PALLD: variants seen among roughly 807,000 people sequenced by gnomAD.
The protein encoded by PALLD is palladin, cytoskeletal associated protein.
PALLD carries 61 observed loss-of-function variants against 123.5 expected under a neutral mutation model. The observed-to-expected ratio is 0.49, with a 90% CI of 0.40 to 0.61. PALLD has a LOEUF of 0.61. Ranked by LOEUF, PALLD falls within the 20% of genes least tolerant of loss-of-function variation. The probability of loss-of-function intolerance (pLI) is 0.00; values close to 1 mark genes in which losing one functional copy is unlikely to be tolerated. For synonymous variants in PALLD, 465 were observed against 496.4 expected (o/e 0.94, Z 0.84); for missense variants, 1,273 against 1,377.0 (o/e 0.92, Z 1.20).
chr4:168,598,536 AG>A (rs1273685375), intron 2 of PALLD: 3 of 386,022 alleles, frequency 7.8e-6, no homozygotes, highest in Non-Finnish European at 1.6e-5. Flanking sequence ...GTTAACAGAG[AG>A]GGGGCAGACA....
Position 168,821,975 on chromosome 4 carries a change from C to A in PALLD, c.1965-68947C>A, listed in dbSNP as rs72973263. ...ACTGCTCTGTATAATACCCCAACAC[C>A]CATTTGAAGAGTTGCTGAAAGTTCT... is the stretch of plus-strand genomic sequence containing the variant. On this transcript the variant is annotated intron_variant, in intron 10 of 21. Transcript: ENST00000505667. Among the ~76,000 whole-genome samples, 991 of 152,072 alleles carry A rather than the reference C, an allele frequency of 6.5e-3. 10 individuals carry two copies. The highest frequency in any genetic ancestry group is 0.022 in the African/African-American group (920 of 41,456).
At chr4:168,898,091 G>A (rs992252181) in intron 13 of PALLD, 1 of 238,652 alleles carries the variant, frequency 4.2e-6, no homozygotes, top group African/African-American at 2.3e-5. Flanking sequence ...GTACTATGTG[G>A]AGAGATGTAC....
intron 3 of PALLD, among the ~76,000 whole-genome samples, chr4:168,668,659 T>C (rs1363031472): frequency 6.6e-6 from 1 of 152,186 alleles, no homozygotes; most frequent in Non-Finnish European, 1.5e-5. Flanking sequence ...CTCTAGTAAA[T>C]GAAGCATAGA....
intron 2 of PALLD, among the ~76,000 whole-genome samples, chr4:168,624,860 C>T (rs1462616994): frequency 6.6e-6 from 1 of 151,882 alleles, no homozygotes; most frequent in African/African-American, 2.4e-5. Context: ...AATACATGTC[C>T]AAGACACATA....
At chr4:168,808,217 A>G (rs1390625389) in intron 10 of PALLD, among the ~76,000 whole-genome samples, 1 of 151,780 alleles carries the variant, frequency 6.6e-6, no homozygotes, top group Non-Finnish European at 1.5e-5. Flanking sequence ...ACAGTGGCTC[A>G]TGCCTGTAAT....
intron 10 of PALLD, among the ~76,000 whole-genome samples, chr4:168,809,026 A>T (rs1411224821): frequency 6.6e-6 from 1 of 152,208 alleles, no homozygotes; most frequent in Non-Finnish European, 1.5e-5. Flanking sequence ...TATTTATTTA[A>T]ACACAGTGTC....
intron 2 of PALLD, among the ~76,000 whole-genome samples, chr4:168,544,751 T>A (rs1161903815): frequency 6.6e-6 from 1 of 152,196 alleles, no homozygotes; most frequent in Middle Eastern, 3.2e-3. Flanking sequence ...CTAAAAAAGT[T>A]AACTGATTTT....
chr4:168,696,908 A>G (rs1256463895), intron 8 of PALLD, among the ~76,000 whole-genome samples: 1 of 152,198 alleles, frequency 6.6e-6, no homozygotes, highest in African/African-American at 2.4e-5. Context: ...TCAATGAAAT[A>G]ATTTTTTTAA....
chr4:168,708,304 C>T (rs1398067016), intron 8 of PALLD, among the ~76,000 whole-genome samples: 1 of 152,100 alleles, frequency 6.6e-6, no homozygotes, highest in Non-Finnish European at 1.5e-5. Context: ...CTCACAATAA[C>T]CGTGTGGTGG....
chr4:168,686,091 G>C (rs1580962132), intron 6 of PALLD, among the ~76,000 whole-genome samples: 1 of 152,006 alleles, frequency 6.6e-6, no homozygotes, highest in South Asian at 2.1e-4. Context: ...CAAATAAATG[G>C]AGACATATGA....
At chr4:168,498,157 T>C (rs1342345931) in intron 1 of PALLD, among the ~76,000 whole-genome samples, 1 of 152,196 alleles carries the variant, frequency 6.6e-6, no homozygotes, top group East Asian at 1.9e-4. Flanking sequence ...AATCAAAGTC[T>C]CTTTGACAAG....
At chr4:168,514,377 C>T (rs913405767) in intron 2 of PALLD, among the ~76,000 whole-genome samples, 2 of 152,060 alleles carry the variant, frequency 1.3e-5, no homozygotes, top group African/African-American at 2.4e-5. Context: ...TACAGGTGGG[C>T]GATTTTTTTC....
At chr4:168,586,214 C>T (rs72697256) in intron 2 of PALLD, among the ~76,000 whole-genome samples, 3,203 of 150,862 alleles carry the variant, frequency 0.021, 41 homozygotes, top group Non-Finnish European at 0.027. Context: ...CTACTACTTC[C>T]GGCCCCACAA....
chr4:168,915,835 A>G, intron 16 of PALLD, 60 bp from the exon 17 acceptor site: 1 of 1,358,368 alleles, frequency 7.4e-7, no homozygotes, highest in East Asian at 2.3e-5. Flanking sequence ...CAGATGACTA[A>G]AAGTCTGGAA....
Position 168,926,197 on chromosome 4 carries a change from C to T in PALLD, c.*33-16C>T. ...TATCTTGATTAAAAATCTTAATTTA[C>T]TCTTTTTCTTTGTAGCCCAGTGGCA... On this transcript the variant is annotated splice_polypyrimidine_tract_variant and intron_variant, in intron 21 of 21. Coordinates refer to ENST00000505667, the MANE Select transcript of PALLD (RefSeq NM_001166108.2). The T allele has an allele frequency of 3.3e-6, 5 of 1,501,796 alleles. No homozygotes were observed. Among genetic ancestry groups the T allele is most frequent in the Non-Finnish European group, 2.7e-6 (3 of 1,129,396 alleles). 93.0% of individuals were successfully genotyped at this position (1,501,796 alleles called of 1,614,324 possible). A position where few individuals can be genotyped will look rare whatever the true frequency, so the allele number is the denominator to read the frequency against.
intron 10 of PALLD, among the ~76,000 whole-genome samples, chr4:168,820,357 C>A (rs1742545510): frequency 6.6e-6 from 1 of 152,180 alleles, no homozygotes; most frequent in South Asian, 2.1e-4. Flanking sequence ...TCCCCAAAGC[C>A]TTACACCTAG....
chr4:168,893,036 T>C (rs1261657244), intron 11 of PALLD, among the ~76,000 whole-genome samples: 1 of 152,208 alleles, frequency 6.6e-6, no homozygotes, highest in Non-Finnish European at 1.5e-5. Flanking sequence ...TATAGCCAGA[T>C]GGCATAGTGA....
At chr4:168,866,122 G>C (rs1750246105) in intron 10 of PALLD, among the ~76,000 whole-genome samples, 1 of 151,768 alleles carries the variant, frequency 6.6e-6, no homozygotes, top group Non-Finnish European at 1.5e-5. Flanking sequence ...AAATTCCACT[G>C]GGTGTGGTGG....
intron 13 of PALLD, 116 bp downstream of exon 13, chr4:168,896,715 T>G: frequency 1.5e-6 from 1 of 663,934 alleles, no homozygotes; most frequent in Non-Finnish European, 2.6e-6. Flanking sequence ...ATAAATGCTA[T>G]GACCAGTGTC....
Sources: allele counts gnomAD v4.1 joint callset (sites outside exome capture counted in the v4.1 genomes callset), GRCh38; gene constraint gnomAD v4.1.1; transcripts MANE v1.5; gene names NCBI Gene and HGNC (gene_info 2026-07-23, HGNC 2026-07-21).